The following CANX variants were observed in gnomAD, a reference collection of about 807,000 sequenced individuals.
The protein encoded by CANX is calnexin, also known as epididymis secretory sperm binding protein.
A neutral mutation model predicts 75.7 loss-of-function variants in CANX; 14 were observed. The ratio of observed to expected loss-of-function variants is 0.19; its 90% CI spans 0.12 to 0.29. The LOEUF is 0.29. Ranked by LOEUF, CANX falls within the 10% of genes least tolerant of loss-of-function variation. CANX has a pLI of 1.00. For synonymous variants in CANX, 227 were observed against 236.9 expected, an observed-to-expected ratio of 0.96 and a Z score of 0.38; for missense variants, 567 against 713.2, an observed-to-expected ratio of 0.79 and a Z score of 2.34.
intron 1 of CANX, among the ~76,000 whole-genome samples, chr5:179,684,605 G>A (rs1292229657): frequency 1.3e-5 from 2 of 151,956 alleles, no homozygotes; most frequent in African/African-American, 4.8e-5. Flanking sequence ...CTCCCAAAGT[G>A]CTGAGATTAC....
intron 1 of CANX, among the ~76,000 whole-genome samples, chr5:179,701,193 G>A (rs1702495416): frequency 6.6e-6 from 1 of 152,094 alleles, no homozygotes; most frequent in Admixed American, 6.6e-5. Context: ...TCCCACTTTG[G>A]TTTCCGTAAC....
chr5:179,714,715 C>G (rs11740569), intron 7 of CANX, among the ~76,000 whole-genome samples: 36,841 of 151,960 alleles, frequency 0.24, 4,848 homozygotes, highest in Non-Finnish European at 0.3. Context: ...GACGGGGTTT[C>G]ACCGTGTTAG....
At chr5:179,695,994 A>G (rs1442599740), upstream of CANX, among the ~76,000 whole-genome samples, 1 of 151,928 alleles carries the variant, frequency 6.6e-6, no homozygotes, top group Non-Finnish European at 1.5e-5. Flanking sequence ...ATCTTGGCTC[A>G]CTGCAGCCTT....
At chr5:179,680,791 G>A (rs1776042715) in intron 1 of CANX, 2 of 1,108,318 alleles carry the variant, frequency 1.8e-6, no homozygotes, top group African/African-American at 3.1e-5. Context: ...AACTAGAGCA[G>A]GGTTCCCTCT....
chr5:179,723,790 T>G lies in CANX; in HGVS notation c.1518+11T>G, dbSNP rs148515530. ...TGCTGTTCTGGAAAGGTAGGAAGTTTTTTTTTTTAGAATCAATTTTAGAGA... is the reference window on the plus strand; with the variant it reads ...TGCTGTTCTGGAAAGGTAGGAAGTTGTTTTTTTTAGAATCAATTTTAGAGA... On this transcript the variant is annotated intron_variant, in intron 12 of 14. Coordinates refer to ENST00000247461, the MANE Select transcript of CANX (RefSeq NM_001746.4). 4,580 of 1,586,872 alleles carry G rather than the reference T, an allele frequency of 2.9e-3. 90 individuals carry two copies. In the African/African-American group the frequency reaches 0.046, roughly 16 times the overall value.
At chr5:179,704,978 G>A (rs1777030717) in intron 1 of CANX, among the ~76,000 whole-genome samples, 1 of 152,076 alleles carries the variant, frequency 6.6e-6, no homozygotes, top group Non-Finnish European at 1.5e-5. Flanking sequence ...CTTAATATGA[G>A]AGGAATTATC....
Position 179,728,622 on chromosome 5 carries a change from A to G in CANX, c.1757A>G (p.Asn586Ser). ...GAAATTTTGAACAGATCACCAAGAA[A>G]CAGAAAGCCACGAAGAGAGTGAAAC... Reference protein sequence around the residue: ...EDEILNRSPRNRKPRRE With the variant: ...EDEILNRSPRSRKPRRE The change falls in exon 15 of 15, where the codon AAC becomes AGC. Residue 586 changes from asparagine (N) to serine (S), a missense_variant. Coordinates refer to ENST00000247461, the MANE Select transcript of CANX (RefSeq NM_001746.4). The G allele has an allele frequency of 1.9e-6, 3 of 1,608,902 alleles. No individual in the cohort carries two copies. The highest frequency in any genetic ancestry group is 4.5e-5 in the East Asian group (2 of 44,822).
At chr5:179,689,908 A>G (rs920024550) in intron 1 of CANX, among the ~76,000 whole-genome samples, 1 of 152,204 alleles carries the variant, frequency 6.6e-6, no homozygotes, top group African/African-American at 2.4e-5. Context: ...TCCTTTGAGG[A>G]TCCCCATCTC....
At chr5:179,698,419 T>C (rs2113071681), upstream of CANX, 4 of 1,276,628 alleles carry the variant, frequency 3.1e-6, no homozygotes, top group African/African-American at 1.5e-5. Flanking sequence ...CGCGGAGCAG[T>C]GCACGCCAAT....
chr5:179,717,975 C>G (rs568839090), intron 8 of CANX, among the ~76,000 whole-genome samples: 95 of 152,294 alleles, frequency 6.2e-4, no homozygotes, highest in African/African-American at 2.2e-3. Context: ...CTCAGCCTCC[C>G]AAAGTGCTGG....
chr5:179,698,930 G>A, upstream of CANX: 1 of 1,141,444 alleles, frequency 8.8e-7, no homozygotes, highest in Non-Finnish European at 1.1e-6. Context: ...GGCGGGCACA[G>A]GGCCGGGCTT....
chr5:179,690,886 CA>C (rs1385189799), intron 1 of CANX, among the ~76,000 whole-genome samples: 23 of 141,076 alleles, frequency 1.6e-4, no homozygotes, highest in Admixed American at 2.8e-4. Flanking sequence ...GAGACTCTCT[CA>C]AAAAAAAAAA....
At chr5:179,705,257 A>T (rs1056185592) in intron 1 of CANX, among the ~76,000 whole-genome samples, 3 of 152,242 alleles carry the variant, frequency 2.0e-5, no homozygotes, top group African/African-American at 4.8e-5. Flanking sequence ...TGCTGGGATT[A>T]CAGGCGTGAG....
At chr5:179,692,177 T>C (rs1581822750) in intron 1 of CANX, among the ~76,000 whole-genome samples, 1 of 148,452 alleles carries the variant, frequency 6.7e-6, no homozygotes, top group Admixed American at 6.7e-5. Flanking sequence ...TGGGTTCAAG[T>C]GATTCTCCTG....
intron 13 of CANX, among the ~76,000 whole-genome samples, chr5:179,725,710 C>T (rs1436457993): frequency 2.7e-5 from 4 of 147,096 alleles, no homozygotes; most frequent in Non-Finnish European, 5.9e-5. Flanking sequence ...AAATTGTTGG[C>T]CAGGCATGGT....
intron 13 of CANX, among the ~76,000 whole-genome samples, chr5:179,726,133 C>T (rs1297891298): frequency 6.7e-6 from 1 of 148,388 alleles, no homozygotes; most frequent in Non-Finnish European, 1.5e-5. Context: ...ACTAAAAATA[C>T]AAAAATTAGC....
At chr5:179,704,172 G>A (rs1437196064) in intron 1 of CANX, 2 of 152,072 alleles carry the variant, frequency 1.3e-5, no homozygotes, top group African/African-American at 4.8e-5. Flanking sequence ...GTCCTCCGTG[G>A]AAAGAGAGCC....
intron 5 of CANX, 77 bp from the exon 6 acceptor site, chr5:179,708,901 G>A (rs1380539807): frequency 6.6e-6 from 5 of 759,744 alleles, no homozygotes; most frequent in East Asian, 2.5e-5. Context: ...CTAAGATGAG[G>A]GAGAGAGGAA....
chr5:179,723,193 G>A (rs1005776060), intron 11 of CANX, among the ~76,000 whole-genome samples, 174 bp downstream of exon 11: 9 of 152,126 alleles, frequency 5.9e-5, no homozygotes, highest in African/African-American at 1.4e-4. Context: ...TTAGTCTAAT[G>A]TAGTGGCTTT....
Sources: allele counts gnomAD v4.1 joint callset (sites outside exome capture counted in the v4.1 genomes callset), GRCh38; gene constraint gnomAD v4.1.1; transcripts MANE v1.5; gene names NCBI Gene and HGNC (gene_info 2026-07-23, HGNC 2026-07-21).